ATG7: variants seen among roughly 807,000 people sequenced by gnomAD.
ATG7 encodes ubiquitin-like modifier-activating enzyme ATG7.
ATG7 carries 70 observed loss-of-function variants against 82.4 expected under a neutral mutation model. The ratio of observed to expected loss-of-function variants is 0.85; its 90% confidence interval spans 0.70 to 1.04. ATG7 has a LOEUF of 1.04. Among genes scored for constraint, ATG7 ranks in the 50% least tolerant of loss-of-function variants. ATG7 has a pLI of 0.00. For synonymous variants in ATG7, 287 were observed against 313.0 expected, an observed-to-expected ratio of 0.92 and a Z score of 0.88; for missense variants, 792 against 864.3, an observed-to-expected ratio of 0.92 and a Z score of 1.05.
At chr3:11,390,382 ATC>A (rs1172699763) in intron 19 of ATG7, among the ~76,000 whole-genome samples, 1 of 152,248 alleles carries the variant, frequency 6.6e-6, no homozygotes, top group African/African-American at 2.4e-5. Context: ...ATTTAACAAT[ATC>A]TGCTGTCTTT....
At chr3:11,574,744 T>C in the ATG7 span, among the ~76,000 whole-genome samples, 4 of 151,772 alleles carry the variant, frequency 2.6e-5, no homozygotes, top group Non-Finnish European at 5.9e-5. Flanking sequence ...CTTCACTATG[T>C]ACCCCATGAA....
At chr3:11,350,923 C>CAAAAA (rs10709080) in intron 14 of ATG7, among the ~76,000 whole-genome samples, 31 of 57,622 alleles carry the variant, frequency 5.4e-4, no homozygotes, top group African/African-American at 1.6e-3. Context: ...GACCCTAGCC[C>CAAAAA]AAAAAAAAAA....
chr3:11,372,610 A>T lies in ATG7; in HGVS notation c.1876-7362A>T, dbSNP rs1245405103. Among the ~76,000 whole-genome samples, 3 of 150,830 alleles carry T rather than the reference A, an allele frequency of 2.0e-5. 1 individual carries two copies. The highest frequency in any genetic ancestry group is 7.3e-5 in the African/African-American group (3 of 40,836). ...GCTCCTTTGTGCCTTCTCCCAGTTC[A>T]TCTCCCCACCCTCAGCCCCAGGCAA... On this transcript the variant is annotated intron_variant, in intron 18 of 20. Coordinates refer to ENST00000693202, the MANE Select transcript of ATG7 (RefSeq NM_001349232.2).
chr3:11,460,259 A>G (rs1381167764), intron 20 of ATG7, among the ~76,000 whole-genome samples: 1 of 152,198 alleles, frequency 6.6e-6, no homozygotes, highest in Non-Finnish European at 1.5e-5. Context: ...CATTGGTGAC[A>G]TGAGGAGCAT....
At chr3:11,306,396 C>T (rs1301684826) in intron 5 of ATG7, among the ~76,000 whole-genome samples, 1 of 152,182 alleles carries the variant, frequency 6.6e-6, no homozygotes, top group Non-Finnish European at 1.5e-5. Flanking sequence ...TATGTGCCAA[C>T]TCTTAGCAGA....
At chr3:11,442,419 G>T (rs553224513) in intron 20 of ATG7, among the ~76,000 whole-genome samples, 1 of 152,104 alleles carries the variant, frequency 6.6e-6, no homozygotes, top group Non-Finnish European at 1.5e-5. Context: ...AAATACAAAC[G>T]AACCAAATGG....
intron 20 of ATG7, among the ~76,000 whole-genome samples, chr3:11,431,751 A>G (rs1023514591): frequency 1.3e-5 from 2 of 152,202 alleles, no homozygotes; most frequent in African/African-American, 2.4e-5. Context: ...TGCTATTACA[A>G]TTTTCCATAT....
intron 20 of ATG7, among the ~76,000 whole-genome samples, chr3:11,439,069 C>CTTTTTTTTTTT (rs67206280): frequency 1.6e-5 from 2 of 121,976 alleles, no homozygotes; most frequent in Non-Finnish European, 1.6e-5. Context: ...TTCTTTCTTT[C>CTTTTTTTTTTT]TTTTTTTTTT....
chr3:11,306,802 T>G lies in ATG7; in HGVS notation c.216-141T>G, dbSNP rs1947825123. Reference sequence around the variant, plus strand: ...AGTTCTTGAGTTATGATATTCATCTTTTTCCAAGAAAACATACAGTTAATC... The same window carrying G: ...AGTTCTTGAGTTATGATATTCATCTGTTTCCAAGAAAACATACAGTTAATC... On this transcript the variant is annotated intron_variant, in intron 5 of 20. Transcript: ENST00000693202. 5.8e-6 allele frequency: 4 copies of G among 692,490 alleles called. No homozygotes were observed. In the Admixed American group the frequency reaches 9.8e-5, roughly 17 times the overall value. 42.9% of individuals were successfully genotyped at this position (692,490 alleles called of 1,614,324 possible). A position where few individuals can be genotyped will look rare whatever the true frequency, so the allele number is the denominator to read the frequency against.
intron 18 of ATG7, among the ~76,000 whole-genome samples, chr3:11,370,373 C>A (rs1196394699): frequency 6.6e-6 from 1 of 151,056 alleles, no homozygotes; most frequent in East Asian, 1.9e-4. Context: ...GTGGTGGGAG[C>A]TGAAGCTCTT....
intron 20 of ATG7, among the ~76,000 whole-genome samples, chr3:11,522,308 C>T (rs1217553483): frequency 6.6e-6 from 1 of 152,166 alleles, no homozygotes; most frequent in Non-Finnish European, 1.5e-5. Flanking sequence ...GGAACTCTGA[C>T]ACCCTGAAGC....
At chr3:11,397,745 A>G (rs1217501727) in intron 19 of ATG7, among the ~76,000 whole-genome samples, 11 of 61,522 alleles carry the variant, frequency 1.8e-4, no homozygotes, top group Non-Finnish European at 3.5e-4. Flanking sequence ...GCGTGCACCC[A>G]CGCCCAGCCC....
At chr3:11,458,847 C>T (rs2086018226) in intron 20 of ATG7, among the ~76,000 whole-genome samples, 1 of 152,092 alleles carries the variant, frequency 6.6e-6, no homozygotes, top group Non-Finnish European at 1.5e-5. Context: ...TGTAGGTGAG[C>T]GGGGCAAGCG....
chr3:11,568,965 AG>A, the ATG7 span: 1 of 1,180,320 alleles, frequency 8.5e-7, no homozygotes, highest in South Asian at 2.1e-5. The surrounding 1 kb of genome is among the most constrained non-coding windows in gnomAD (Gnocchi z 5.9). Flanking sequence ...TGGAAAGAGG[AG>A]GGAGGGAAAG....
chr3:11,414,428 G>A (rs1038074658), intron 19 of ATG7, among the ~76,000 whole-genome samples: 7 of 152,146 alleles, frequency 4.6e-5, no homozygotes, highest in African/African-American at 1.2e-4. Context: ...CTGTGATTGC[G>A]TGTTAGTTCC....
At chr3:11,409,788 T>TC (rs2080721179) in intron 19 of ATG7, among the ~76,000 whole-genome samples, 1 of 152,018 alleles carries the variant, frequency 6.6e-6, no homozygotes. Flanking sequence ...TTTTTTTTTT[T>TC]TCCATGTGGT....
chr3:11,546,889 G>C (rs528233716), intron 20 of ATG7, among the ~76,000 whole-genome samples: 1 of 152,254 alleles, frequency 6.6e-6, no homozygotes, highest in Admixed American at 6.5e-5. Flanking sequence ...CCTTGCCAGC[G>C]GAGAGCAGCA....
intron 20 of ATG7, among the ~76,000 whole-genome samples, chr3:11,470,459 A>T (rs2087365214): frequency 6.6e-6 from 1 of 152,208 alleles, no homozygotes; most frequent in Admixed American, 6.5e-5. Context: ...GGATTTTGTA[A>T]TCTTATGGGG....
chr3:11,374,649 T>C (rs1240898275), intron 18 of ATG7, among the ~76,000 whole-genome samples: 2 of 152,136 alleles, frequency 1.3e-5, no homozygotes, highest in Non-Finnish European at 2.9e-5. Context: ...CTCACGCCTG[T>C]AATCCCAGCA....
Sources: allele counts gnomAD v4.1 joint callset (sites outside exome capture counted in the v4.1 genomes callset), GRCh38; gene constraint gnomAD v4.1.1; non-coding constraint Gnocchi (gnomAD v3.1); transcripts MANE v1.5; gene names NCBI Gene and HGNC (gene_info 2026-07-23, HGNC 2026-07-21).